Variants in MALRD1 observed in about 807,000 individuals in gnomAD.
MALRD1 encodes MAM and LDL receptor class A domain containing 1.
In MALRD1, 247 loss-of-function variants were observed where a neutral mutation model predicts 242.1. That is an observed-to-expected ratio of 1.02 (90% CI 0.92 to 1.13). MALRD1 has a LOEUF of 1.13. Ranked by LOEUF, MALRD1 falls within the 50% of genes most tolerant of loss-of-function variation. The pLI is 0.00. For synonymous variants in MALRD1, 995 were observed against 866.6 expected, an observed-to-expected ratio of 1.15 and a Z score of -2.60; for missense variants, 2,989 against 2,533.1, an observed-to-expected ratio of 1.18 and a Z score of -3.86.
At chr10:19,378,637 A>G (rs1845705578) in intron 26 of MALRD1, among the ~76,000 whole-genome samples, 1 of 152,110 alleles carries the variant, frequency 6.6e-6, no homozygotes, top group Admixed American at 6.6e-5. Flanking sequence ...GGTTATTTAT[A>G]TTACTTGATA....
chr10:19,436,087 A>G (rs1834339872), intron 28 of MALRD1, among the ~76,000 whole-genome samples: 1 of 152,034 alleles, frequency 6.6e-6, no homozygotes, highest in Non-Finnish European at 1.5e-5. Flanking sequence ...TTATTTAACC[A>G]CTTTCTGACT....
At chr10:19,524,302 C>A (rs750690557) in intron 31 of MALRD1, among the ~76,000 whole-genome samples, 2 of 151,836 alleles carry the variant, frequency 1.3e-5, no homozygotes, top group Admixed American at 6.6e-5. Flanking sequence ...GTGGTGAAAC[C>A]CTGTCTCTAC....
At chr10:19,233,857 T>A (rs184875671) in intron 18 of MALRD1, among the ~76,000 whole-genome samples, 2,163 of 150,474 alleles carry the variant, frequency 0.014, 43 homozygotes, top group African/African-American at 0.05. Flanking sequence ...TCTTTTTTTT[T>A]AATGGGGGAG....
At chr10:19,636,892 C>CTT (rs1456477700) in intron 36 of MALRD1, among the ~76,000 whole-genome samples, 2 of 132,212 alleles carry the variant, frequency 1.5e-5, no homozygotes, top group South Asian at 2.3e-4. Context: ...GAGTGAGACT[C>CTT]TGTCTCAAAA....
intron 28 of MALRD1, among the ~76,000 whole-genome samples, chr10:19,397,078 A>G (rs1846617020): frequency 6.6e-6 from 1 of 152,160 alleles, no homozygotes; most frequent in Non-Finnish European, 1.5e-5. Context: ...ATAACCTCAA[A>G]TATCTGTCAT....
At chr10:19,458,700 T>A (rs1051312586) in intron 29 of MALRD1, among the ~76,000 whole-genome samples, 1 of 152,152 alleles carries the variant, frequency 6.6e-6, no homozygotes, top group Non-Finnish European at 1.5e-5. Flanking sequence ...CCAGTTGAAA[T>A]ATTTAAAATG....
At chr10:19,074,202 C>T (rs1173839018) in intron 2 of MALRD1, among the ~76,000 whole-genome samples, 2 of 152,076 alleles carry the variant, frequency 1.3e-5, no homozygotes, top group African/African-American at 4.8e-5. Flanking sequence ...AACTCCTTCA[C>T]AGTTGACAAT....
chr10:19,653,914 A>C (rs1028620397), intron 36 of MALRD1, among the ~76,000 whole-genome samples: 2 of 152,176 alleles, frequency 1.3e-5, no homozygotes, highest in Admixed American at 1.3e-4. Flanking sequence ...ATGATTCTAC[A>C]TCTCAACCCA....
intron 24 of MALRD1, among the ~76,000 whole-genome samples, chr10:19,341,693 T>C (rs1843886555): frequency 2.0e-5 from 3 of 151,778 alleles, no homozygotes; most frequent in South Asian, 4.2e-4. Context: ...AGGGTAGTCA[T>C]AGAAATTCTC....
chr10:19,524,408 C>T (rs758949828), intron 31 of MALRD1, among the ~76,000 whole-genome samples: 13 of 151,648 alleles, frequency 8.6e-5, no homozygotes, highest in Non-Finnish European at 1.9e-4. Context: ...ACCCAAGAGG[C>T]GGAGGTTGCA....
intron 36 of MALRD1, among the ~76,000 whole-genome samples, chr10:19,678,501 AT>A (rs1360101987): frequency 1.3e-5 from 2 of 152,094 alleles, no homozygotes; most frequent in African/African-American, 2.4e-5. Context: ...AATGCTTGTG[AT>A]TTTTGTACAT....
chr10:19,386,574 A>T (rs1846084986), intron 26 of MALRD1, among the ~76,000 whole-genome samples: 1 of 152,174 alleles, frequency 6.6e-6, no homozygotes, highest in African/African-American at 2.4e-5. Context: ...TGCCTTCAAT[A>T]TACATTCTAA....
At chr10:19,387,377 G>A in intron 26 of MALRD1, 151 bp from the exon 27 acceptor site, 1 of 824,880 alleles carries the variant, frequency 1.2e-6, no homozygotes, top group Non-Finnish European at 1.8e-6. Flanking sequence ...GAGCAGAGTG[G>A]GAGAGAGAGA....
chr10:19,240,147 T>A (rs1838694123), intron 18 of MALRD1, among the ~76,000 whole-genome samples: 1 of 152,276 alleles, frequency 6.6e-6, no homozygotes, highest in Middle Eastern at 3.4e-3. Flanking sequence ...TGTCCATTTT[T>A]TGTGTATCGT....
chr10:19,689,421 T>A (rs1054381138), intron 36 of MALRD1, among the ~76,000 whole-genome samples: 1 of 152,186 alleles, frequency 6.6e-6, no homozygotes, highest in African/African-American at 2.4e-5. Context: ...GTAATAAACA[T>A]CACGTGACCA....
intron 19 of MALRD1, among the ~76,000 whole-genome samples, chr10:19,279,745 C>T (rs1840712146): frequency 6.6e-6 from 1 of 152,118 alleles, no homozygotes; most frequent in Non-Finnish European, 1.5e-5. Context: ...CTGAAACTCC[C>T]TTGGTTCCTG....
chr10:19,289,483 C>T lies in MALRD1; in HGVS notation c.3419+6302C>T, dbSNP rs547101871. Reference sequence around the variant, plus strand: ...CAGAACACAAAATTAACTTTTAAATCGGAATGCTTAATGGTCAGATAATAT... The same window carrying T: ...CAGAACACAAAATTAACTTTTAAATTGGAATGCTTAATGGTCAGATAATAT... On this transcript the variant is annotated intron_variant, in intron 21 of 39. Transcript: ENST00000454679. 1.3e-4 allele frequency among the ~76,000 whole-genome samples: 20 copies of T among 152,216 alleles called. No homozygotes were observed. In the South Asian group the frequency reaches 1.9e-3, roughly 14 times the overall value.
At chr10:19,680,987 C>T (rs1052332269) in intron 36 of MALRD1, among the ~76,000 whole-genome samples, 2 of 152,192 alleles carry the variant, frequency 1.3e-5, no homozygotes, top group Non-Finnish European at 2.9e-5. Context: ...TATCTTTTGG[C>T]TTGCAGGGTT....
In MALRD1 at chr10:19,087,970, C is replaced by T. The variant is rs1033192317; in HGVS notation, c.435+36C>T. 9.7e-6 allele frequency: 12 copies of T among 1,232,222 alleles called. No homozygotes were observed. The South Asian group carries it at 4.5e-4, about 46-fold the overall frequency. The allele number at this position is 1,232,222 out of a possible 1,614,324, so 76.3% of individuals were successfully genotyped here. On this transcript the variant is annotated intron_variant, in intron 3 of 39. Transcript: ENST00000454679. ...GCACACAGCATTTTAAATATTTTGT[C>T]ACATTTGGGGACTTCTTTATCATAA...
Sources: gnomAD v4.1 joint callset for allele counts (sites outside exome capture counted in the v4.1 genomes callset) on GRCh38, gnomAD v4.1.1 for gene constraint, MANE v1.5 for transcripts, NCBI Gene and HGNC (gene_info 2026-07-23, HGNC 2026-07-21) for gene names.